The following UBE2H variants were observed in gnomAD, a reference collection of about 807,000 sequenced individuals.
UBE2H encodes ubiquitin conjugating enzyme E2 H, also known as ubiquitin-conjugating enzyme E2 H.
A neutral mutation model predicts 29.0 loss-of-function variants in UBE2H; 3 were observed. The observed-to-expected ratio is 0.10, with a 90% confidence interval of 0.05 to 0.27. UBE2H has a LOEUF of 0.27. UBE2H is among the 10% of genes least tolerant of loss of function. The pLI, the probability that UBE2H is intolerant of heterozygous loss-of-function variation, is 1.00. For synonymous variants in UBE2H, 69 were observed against 82.9 expected (o/e 0.83, Z 0.91); for missense variants, 68 against 228.2 (o/e 0.30, Z 4.52).
chr7:129,862,788 A>T (rs2116326725), intron 3 of UBE2H, among the ~76,000 whole-genome samples: 1 of 152,312 alleles, frequency 6.6e-6, no homozygotes, highest in Non-Finnish European at 1.5e-5. Flanking sequence ...TTTTAAGGAC[A>T]CTGGCTTTTA....
intron 5 of UBE2H, among the ~76,000 whole-genome samples, chr7:129,841,721 CAG>C (rs1410444630): frequency 6.6e-6 from 1 of 152,156 alleles, no homozygotes; most frequent in Non-Finnish European, 1.5e-5. Context: ...GTGATTTCAT[CAG>C]AGTCTATTTC....
chr7:129,880,290 T>C (rs1806227954), intron 2 of UBE2H, among the ~76,000 whole-genome samples: 1 of 152,156 alleles, frequency 6.6e-6, no homozygotes, highest in African/African-American at 2.4e-5. Flanking sequence ...GTGGATCACC[T>C]GAGGTCAGGA....
At chr7:129,885,614 T>C (rs1806344656) in intron 1 of UBE2H, among the ~76,000 whole-genome samples, 1 of 152,232 alleles carries the variant, frequency 6.6e-6, no homozygotes, top group African/African-American at 2.4e-5. Flanking sequence ...TACAATGGGA[T>C]TGTCTTTAAT....
At chr7:129,905,919 A>G (rs1806806064) in intron 1 of UBE2H, among the ~76,000 whole-genome samples, 1 of 152,048 alleles carries the variant, frequency 6.6e-6, no homozygotes, top group Non-Finnish European at 1.5e-5. Context: ...GAGCTATGAC[A>G]GTGCCACTGT....
rs559498853 is a variant in UBE2H, at chr7:129,843,834, A to T, written c.299-4499T>A. ...ATTATTACAGGTGCTGCTCAAAAGG[A>T]TTAGCAGCTGGATGCTATTACATAA... On this transcript the variant is annotated intron_variant, in intron 5 of 6. Coordinates refer to ENST00000355621, the MANE Select transcript of UBE2H (RefSeq NM_003344.4). 1.2e-4 allele frequency among the ~76,000 whole-genome samples: 18 copies of T among 152,312 alleles called. No homozygotes were observed. The South Asian group carries it at 3.7e-3, about 32-fold the overall frequency.
chr7:129,852,071 T>C (rs1005814218), intron 5 of UBE2H, among the ~76,000 whole-genome samples: 5 of 152,202 alleles, frequency 3.3e-5, no homozygotes, highest in Non-Finnish European at 7.3e-5. Flanking sequence ...GACAGATCAA[T>C]ACTGAAGTTC....
At chr7:129,844,654 A>C (rs1278369558) in intron 5 of UBE2H, among the ~76,000 whole-genome samples, 1 of 152,182 alleles carries the variant, frequency 6.6e-6, no homozygotes, top group Non-Finnish European at 1.5e-5. Context: ...CTTTTAAAGG[A>C]AGTCCCAAGA....
rs1805206462 is a variant in UBE2H at position 129,830,751 on chromosome 7, G to A, written c.*4186C>T. The A allele has an allele frequency of 6.6e-6, 1 of 151,026 alleles. No homozygotes were observed. Among genetic ancestry groups the A allele is most frequent in the Non-Finnish European group, 1.5e-5 (1 of 67,908 alleles). The allele number at this position is 151,026 out of a possible 1,614,324, so 9.4% of individuals were successfully genotyped here. A position where few individuals can be genotyped will look rare whatever the true frequency, so the allele number is the denominator to read the frequency against. On this transcript the variant is annotated 3_prime_UTR_variant, in exon 7 of 7. Transcript: ENST00000355621. ...CAGCCATTTGCCAAGGTATATACACGTTTATTTAAAAAAGTTTACAGTTTT... is the reference window on the plus strand; with the variant it reads ...CAGCCATTTGCCAAGGTATATACACATTTATTTAAAAAAGTTTACAGTTTT...
At chr7:129,860,412 C>G (rs892722728) in intron 3 of UBE2H, among the ~76,000 whole-genome samples, 1 of 152,140 alleles carries the variant, frequency 6.6e-6, no homozygotes, top group Non-Finnish European at 1.5e-5. Context: ...ATTTAAGAAG[C>G]ATGTGGTTTA....
intron 1 of UBE2H, among the ~76,000 whole-genome samples, chr7:129,919,703 A>AC (rs2116466838): frequency 6.6e-6 from 1 of 152,294 alleles, no homozygotes; most frequent in African/African-American, 2.4e-5. Context: ...TCACTGGGAG[A>AC]CAAAGTTCAT....
At chr7:129,860,027 C>A (rs539233447) in intron 3 of UBE2H, among the ~76,000 whole-genome samples, 2 of 152,282 alleles carry the variant, frequency 1.3e-5, no homozygotes, top group African/African-American at 2.4e-5. Flanking sequence ...CCAATAAATA[C>A]CTGCAATCTG....
intron 1 of UBE2H, among the ~76,000 whole-genome samples, chr7:129,901,417 C>A (rs1806712189): frequency 6.6e-6 from 1 of 152,032 alleles, no homozygotes; most frequent in Non-Finnish European, 1.5e-5. Context: ...GACTGCACAG[C>A]GCCACAGGGA....
intron 3 of UBE2H, among the ~76,000 whole-genome samples, chr7:129,871,527 C>T (rs984905491): frequency 2.6e-5 from 4 of 152,102 alleles, no homozygotes; most frequent in African/African-American, 9.7e-5. Context: ...CCAGCCTGGG[C>T]AACATGGTGA....
intron 1 of UBE2H, among the ~76,000 whole-genome samples, chr7:129,922,934 C>T (rs993595217): frequency 5.3e-5 from 8 of 151,966 alleles, no homozygotes; most frequent in Non-Finnish European, 1.2e-4. Context: ...AGGAGTCTCG[C>T]TCTGTCGCCC....
intron 1 of UBE2H, among the ~76,000 whole-genome samples, chr7:129,911,219 T>G (rs1365618817): frequency 6.6e-6 from 1 of 151,504 alleles, no homozygotes; most frequent in Non-Finnish European, 1.5e-5. Flanking sequence ...AAAAAAAAAG[T>G]TAGCCAGGCA....
intron 1 of UBE2H, among the ~76,000 whole-genome samples, chr7:129,925,399 A>G (rs1233605174): frequency 2.0e-5 from 3 of 152,200 alleles, no homozygotes; most frequent in African/African-American, 7.2e-5. Context: ...CCAGGTGGAA[A>G]AAAAACAAGA....
rs113969257 is a variant in UBE2H at position 129,925,257 on chromosome 7, G to T, written c.53+27246C>A. Among the ~76,000 whole-genome samples the T allele has an allele frequency of 9.8e-3, 1,484 of 152,034 alleles. 25 individuals carry two copies. Among genetic ancestry groups the T allele is most frequent in the African/African-American group, 0.034 (1,401 of 41,480 alleles). On this transcript the variant is annotated intron_variant, in intron 1 of 6. Transcript: ENST00000355621. Reference sequence around the variant, plus strand: ...CAGCTACTCGGGAGGCTGACGAAGAGAATTGCTTGAATCCAGGAGGCAGAG... The same window carrying T: ...CAGCTACTCGGGAGGCTGACGAAGATAATTGCTTGAATCCAGGAGGCAGAG...
At chr7:129,939,594 C>T (rs1040432294) in intron 1 of UBE2H, among the ~76,000 whole-genome samples, 4 of 152,210 alleles carry the variant, frequency 2.6e-5, no homozygotes, top group Non-Finnish European at 4.4e-5. Flanking sequence ...TGGAAATGTC[C>T]AACCAAATTC....
At chr7:129,880,440 A>C (rs1330852821) in intron 2 of UBE2H, among the ~76,000 whole-genome samples, 1 of 152,196 alleles carries the variant, frequency 6.6e-6, no homozygotes, top group Non-Finnish European at 1.5e-5. Flanking sequence ...CAGGAAGTGG[A>C]GGTTACGGTA....
Sources: gnomAD v4.1 joint callset for allele counts (sites outside exome capture counted in the v4.1 genomes callset) on GRCh38, gnomAD v4.1.1 for gene constraint, MANE v1.5 for transcripts, NCBI Gene and HGNC (gene_info 2026-07-23, HGNC 2026-07-21) for gene names.